The following KNTC1 variants were observed in gnomAD, a reference collection of about 807,000 sequenced individuals.
KNTC1 encodes kinetochore-associated protein 1.
KNTC1 carries 253 observed loss-of-function variants against 314.4 expected under a neutral mutation model. That is an observed-to-expected ratio of 0.80 (90% confidence interval 0.73 to 0.89). The LOEUF is 0.89. Ranked by LOEUF, KNTC1 falls within the 40% of genes least tolerant of loss-of-function variation. The probability of loss-of-function intolerance (pLI) is 0.00; values close to 1 mark genes in which losing one functional copy is unlikely to be tolerated. For missense variants in KNTC1, 2,475 were observed against 2,572.9 expected, an observed-to-expected ratio of 0.96 and a Z score of 0.82; for synonymous variants, 901 against 901.4, an observed-to-expected ratio of 1.00 and a Z score of 0.01.
chr12:122,618,568 C>CAAA, intron 59 of KNTC1, 23 bp downstream of exon 59: 7 of 1,312,648 alleles, frequency 5.3e-6, no homozygotes, highest in South Asian at 2.6e-5. Context: ...TTTGTTCTAC[C>CAAA]AAAAAAAAAA....
At chr12:122,565,252 TAA>T (rs35980710) in intron 20 of KNTC1, among the ~76,000 whole-genome samples, 9,729 of 131,636 alleles carry the variant, frequency 0.074, 466 homozygotes, top group Middle Eastern at 0.14. Context: ...TTTTTTTTTT[TAA>T]AAAAAAAAAA....
In KNTC1 at chr12:122,585,652, A is replaced by C. The variant is rs772980531; in HGVS notation, c.3551A>C (p.His1184Pro). 6.2e-7 allele frequency: 1 copy of C among 1,613,836 alleles called. No homozygotes were observed. The highest frequency in any genetic ancestry group is 8.5e-7 in the Non-Finnish European group (1 of 1,179,840). ...GGCACCTAGGCTTCTTTTGGGACAC[A>C]TAAAGATCCATATGAAGAGTGGTCT... ...GILMKASFGT[H>P]KDPYEEWSYS... is the part of the protein sequence containing the mutation. The change falls in exon 37 of 64, where the codon CAT (histidine) becomes CCT (proline). Residue 1184 changes from histidine (H) to proline (P), a missense_variant. His to Pro is a moderately conservative substitution (Grantham distance 77). Transcript: ENST00000333479.
intron 20 of KNTC1, among the ~76,000 whole-genome samples, chr12:122,565,922 C>T (rs77177080): frequency 6.7e-6 from 1 of 148,818 alleles, no homozygotes; most frequent in Non-Finnish European, 1.5e-5. Flanking sequence ...TGTATTTTTT[C>T]ATTTTTAGAG....
intron 36 of KNTC1, 137 bp from the exon 37 acceptor site, chr12:122,585,499 C>T: frequency 4.4e-6 from 4 of 902,116 alleles, no homozygotes; most frequent in Non-Finnish European, 6.7e-6. Flanking sequence ...CATTGGGCCT[C>T]CAGCAAGGCC....
chr12:122,585,532 T>C (rs1239684306), intron 36 of KNTC1, 104 bp from the exon 37 acceptor site: 1 of 1,271,268 alleles, frequency 7.9e-7, no homozygotes, highest in Non-Finnish European at 1.1e-6. Context: ...GTCCTTCTGT[T>C]AGAGTTTAAC....
At position 122,588,693 on chromosome 12, in the gene KNTC1, T is replaced by G; in HGVS notation, c.3895-19T>G. 6.8e-7 allele frequency: 1 copy of G among 1,475,426 alleles called. No individual in the cohort carries two copies. Among genetic ancestry groups the G allele is most frequent in the East Asian group, 2.5e-5 (1 of 40,058 alleles). 91.4% of individuals were successfully genotyped at this position (1,475,426 alleles called of 1,614,324 possible). A position where few individuals can be genotyped will look rare whatever the true frequency, so the allele number is the denominator to read the frequency against. On this transcript the variant is annotated intron_variant, in intron 39 of 63. Coordinates refer to ENST00000333479, the MANE Select transcript of KNTC1 (RefSeq NM_014708.6). ...TATATAGAACTAGACCTAAATATTT[T>G]TTTCTTCTTTTCTAAAAGTTATTTG...
At chr12:122,597,504 C>A in intron 43 of KNTC1, 1 of 462,698 alleles carries the variant, frequency 2.2e-6, no homozygotes, top group Non-Finnish European at 4.0e-6. Flanking sequence ...ACCTTGGCCT[C>A]CCAAAGTGCT....
chr12:122,574,483 A>T, intron 27 of KNTC1, 103 bp downstream of exon 27: 1 of 698,544 alleles, frequency 1.4e-6, no homozygotes, highest in Admixed American at 2.8e-5. Context: ...TTTGTTTGAG[A>T]TGGGTCTGGC....
chr12:122,574,208 A>G (rs1378863233), intron 26 of KNTC1, 74 bp from the exon 27 acceptor site: 5 of 784,134 alleles, frequency 6.4e-6, no homozygotes, highest in Non-Finnish European at 1.1e-5. Flanking sequence ...TAATATCTGT[A>G]TCTAGCTGTA....
At chr12:122,570,078 C>A (rs146798823) in intron 22 of KNTC1, among the ~76,000 whole-genome samples, 1 of 152,242 alleles carries the variant, frequency 6.6e-6, no homozygotes, top group Non-Finnish European at 1.5e-5. Flanking sequence ...CACATGTTCT[C>A]ACTTATTTGT....
At chr12:122,563,653 T>C in intron 20 of KNTC1, 2 of 686,702 alleles carry the variant, frequency 2.9e-6, no homozygotes, top group East Asian at 4.1e-5. Context: ...GATCTCCATA[T>C]GTGTAAGTCC....
Position 122,571,201 on chromosome 12 carries a change from G to T in KNTC1, c.2019+75G>T, listed in dbSNP as rs1296223481. 5.5e-6 allele frequency: 6 copies of T among 1,097,864 alleles called. No homozygotes were observed. In the African/African-American group the frequency reaches 6.3e-5, roughly 11 times the overall value. 68.0% of individuals were successfully genotyped at this position (1,097,864 alleles called of 1,614,324 possible). ...AAGGGTTTGTCTGCATGTATGTGAA[G>T]TATCTGGAAATATATCTACTTCTTA... On this transcript the variant is annotated intron_variant, in intron 24 of 63. Coordinates refer to ENST00000333479, the MANE Select transcript of KNTC1 (RefSeq NM_014708.6).
chr12:122,546,412 A>T (rs1163464806), intron 9 of KNTC1, 143 bp downstream of exon 9: 3 of 665,978 alleles, frequency 4.5e-6, no homozygotes, highest in Admixed American at 2.9e-5. Flanking sequence ...GTTCACATAC[A>T]GAACAGTTCT....
At chr12:122,622,671 GGGCACGAT>G in intron 62 of KNTC1, 64 bp downstream of exon 62, 1 of 1,321,538 alleles carries the variant, frequency 7.6e-7, no homozygotes, top group East Asian at 2.6e-5. Flanking sequence ...TTTATAAGCT[GGGCACGAT>G]GGCTCACGAC....
At chr12:122,551,726 A>G in intron 16 of KNTC1, 30 bp downstream of exon 16, 1 of 1,536,086 alleles carries the variant, frequency 6.5e-7, no homozygotes, top group East Asian at 2.2e-5. Flanking sequence ...TTTGTTCACC[A>G]AACAAGCATT....
Position 122,588,752 on chromosome 12 carries a change from T to C in KNTC1, c.3935T>C (p.Val1312Ala). The C allele has an allele frequency of 6.4e-7, 1 of 1,562,492 alleles. No homozygotes were observed. The highest frequency in any genetic ancestry group is 2.3e-5 in the East Asian group (1 of 43,242). Residue 1312 changes from valine to alanine, a missense_variant, in exon 40 of 64, where the codon GTT (valine) becomes GCT (alanine). By Grantham distance (64) the Val-to-Ala change is moderately conservative (BLOSUM62 0). Transcript: ENST00000333479. ...ACATTAGTTAAATCAAGGCATGTTG[T>C]TATGGAATTGAAAGAAAAAGCTGTT... Reference protein sequence around the residue: ...ETTLVKSRHVVMELKEKAVIF... With the variant: ...ETTLVKSRHVAMELKEKAVIF...
chr12:122,568,435 A>G, intron 21 of KNTC1, 63 bp downstream of exon 21: 1 of 904,614 alleles, frequency 1.1e-6, no homozygotes, highest in Non-Finnish European at 1.9e-6. Context: ...GATTGAATCA[A>G]TGTTGGAGAC....
chr12:122,546,693 CT>C lies in KNTC1; in HGVS notation c.816+21del. ...TACTGATGTATGTTTCTTGTTTCTC[CT>C]TCAATGTTTTTACTTGATATGTTTT... On this transcript the variant is annotated intron_variant, in intron 10 of 63. Coordinates refer to ENST00000333479, the MANE Select transcript of KNTC1 (RefSeq NM_014708.6). 2 of 1,492,202 alleles carry C rather than the reference CT, an allele frequency of 1.3e-6. No homozygotes were observed. The highest frequency in any genetic ancestry group is 1.8e-6 in the Non-Finnish European group (2 of 1,089,696). The allele number at this position is 1,492,202 out of a possible 1,614,324, so 92.4% of individuals were successfully genotyped here.
At position 122,604,972 on chromosome 12, in the gene KNTC1, G is replaced by A; in HGVS notation, c.5271G>A (p.Leu1757=). ...AAGCTGTGCTCATAGCCCACAAGCT[G>A]AACACTGAGGAATATTTAAGAGTGA... The part of the protein sequence containing the change: ...GTEAVLIAHK[L]NTEEYLRVIG... Residue 1757 remains leucine, a synonymous_variant, in exon 50 of 64, where the codon CTG becomes CTA. Transcript: ENST00000333479. The A allele has an allele frequency of 6.2e-7, 1 of 1,612,632 alleles. No homozygotes were observed. Among genetic ancestry groups the A allele is most frequent in the Non-Finnish European group, 8.5e-7 (1 of 1,179,308 alleles).
Sources: allele counts gnomAD v4.1 joint callset (sites outside exome capture counted in the v4.1 genomes callset), GRCh38; gene constraint gnomAD v4.1.1; transcripts MANE v1.5; gene names NCBI Gene and HGNC (gene_info 2026-07-23, HGNC 2026-07-21).